The following GAREM1 variants were observed in gnomAD, a reference collection of about 807,000 sequenced individuals.
GAREM1 encodes the protein GRB2 associated regulator of MAPK1 subtype 1.
In GAREM1, 26 loss-of-function variants were observed where a neutral mutation model predicts 71.3. The observed-to-expected ratio is 0.36, with a 90% CI of 0.27 to 0.51. The LOEUF (loss-of-function observed/expected upper bound fraction) is 0.51. Ranked by LOEUF, GAREM1 falls within the 20% of genes least tolerant of loss-of-function variation. GAREM1 has a pLI of 0.95. For synonymous variants in GAREM1, 440 were observed against 433.2 expected (o/e 1.02, Z -0.20); for missense variants, 1,026 against 1,103.1 (o/e 0.93, Z 0.99).
chr18:32,398,226 T>G (rs905620495), intron 1 of GAREM1, among the ~76,000 whole-genome samples: 29 of 151,960 alleles, frequency 1.9e-4, no homozygotes, highest in Non-Finnish European at 3.4e-4. Flanking sequence ...AGATCCAAAA[T>G]TAACACCCTA....
At chr18:32,418,716 A>C (rs1207538218) in intron 1 of GAREM1, among the ~76,000 whole-genome samples, 1 of 152,164 alleles carries the variant, frequency 6.6e-6, no homozygotes, top group Non-Finnish European at 1.5e-5. Context: ...AAAAGAGACA[A>C]GGGGAAAGAA....
intron 1 of GAREM1, among the ~76,000 whole-genome samples, chr18:32,422,329 G>A (rs527609690): frequency 1.4e-4 from 22 of 152,236 alleles, no homozygotes; most frequent in African/African-American, 5.1e-4. Flanking sequence ...TGAAGCCTTT[G>A]CTGGCATGCC....
At position 32,412,302 on chromosome 18, in the gene GAREM1, C is replaced by T. The variant is rs903976168; in HGVS notation, c.122-19267G>A. On this transcript the variant is annotated intron_variant, in intron 1 of 5. Coordinates refer to ENST00000269209, the MANE Select transcript of GAREM1 (RefSeq NM_001242409.2). ...TCGTGGTTTTGCAAAGTACTGGCCT[C>T]CACCGCCATAGGGGCCAGAGTTTCT... 1.9e-6 allele frequency: 3 copies of T among 1,591,802 alleles called. No homozygotes were observed. In the African/African-American group the frequency reaches 4.0e-5, roughly 21 times the overall value.
At chr18:32,298,656 C>T (rs1316764331) in intron 3 of GAREM1, among the ~76,000 whole-genome samples, 3 of 152,260 alleles carry the variant, frequency 2.0e-5, no homozygotes, top group Non-Finnish European at 4.4e-5. Context: ...TGTGGACGCG[C>T]ACACATTCTC....
At chr18:32,325,858 A>T (rs772084518) in intron 2 of GAREM1, among the ~76,000 whole-genome samples, 1 of 152,216 alleles carries the variant, frequency 6.6e-6, no homozygotes, top group Non-Finnish European at 1.5e-5. Flanking sequence ...CACTGGACTT[A>T]CGAGGATGAC....
At chr18:32,384,961 A>T (rs1213357001) in intron 2 of GAREM1, among the ~76,000 whole-genome samples, 1 of 152,188 alleles carries the variant, frequency 6.6e-6, no homozygotes, top group Non-Finnish European at 1.5e-5. Context: ...AATTTAAGTA[A>T]TGGAGAGAGG....
chr18:32,362,447 T>C (rs566848380), intron 2 of GAREM1, among the ~76,000 whole-genome samples: 1 of 152,360 alleles, frequency 6.6e-6, no homozygotes, highest in African/African-American at 2.4e-5. Context: ...CCTTCGGTTG[T>C]TAAATATATG....
chr18:32,436,219 T>C (rs750196633), intron 1 of GAREM1, among the ~76,000 whole-genome samples: 1 of 151,942 alleles, frequency 6.6e-6, no homozygotes, highest in Non-Finnish European at 1.5e-5. Flanking sequence ...AATTTCAGAG[T>C]TGGGGAAATA....
In GAREM1 at chr18:32,267,431, GAC is replaced by G. The variant is rs2041388219; in HGVS notation, c.*438_*439del. On this transcript the variant is annotated 3_prime_UTR_variant, in exon 6 of 6. Coordinates refer to ENST00000269209, the MANE Select transcript of GAREM1 (RefSeq NM_001242409.2). ...ACAATTAGCAAGAAGCAATCTGAAT[GAC>G]AGAGCACAGAACACAGTTAATTGTC... is the stretch of plus-strand genomic sequence containing the variant. The G allele has an allele frequency of 6.6e-6, 1 of 152,260 alleles. No individual in the cohort carries two copies. The highest frequency in any genetic ancestry group is 2.4e-5 in the African/African-American group (1 of 41,104). The allele number at this position is 152,260 out of a possible 1,614,324, so 9.4% of individuals were successfully genotyped here.
intron 3 of GAREM1, among the ~76,000 whole-genome samples, chr18:32,298,806 T>C (rs1486029525): frequency 6.6e-6 from 1 of 152,212 alleles, no homozygotes; most frequent in Non-Finnish European, 1.5e-5. Context: ...ATAGGTTATA[T>C]AGACAATATT....
At chr18:32,398,713 T>C (rs1349769408) in intron 1 of GAREM1, among the ~76,000 whole-genome samples, 1 of 152,054 alleles carries the variant, frequency 6.6e-6, no homozygotes, top group East Asian at 1.9e-4. Flanking sequence ...ACCAGATGGA[T>C]TCACAGCTGA....
At chr18:32,465,222 A>G (rs2048988314) in intron 1 of GAREM1, among the ~76,000 whole-genome samples, 1 of 152,250 alleles carries the variant, frequency 6.6e-6, no homozygotes, top group African/African-American at 2.4e-5. Context: ...TTCCAAGAGC[A>G]AAACTAAGTT....
intron 4 of GAREM1, among the ~76,000 whole-genome samples, chr18:32,273,817 A>G (rs1041906844): frequency 6.6e-6 from 1 of 152,186 alleles, no homozygotes; most frequent in Non-Finnish European, 1.5e-5. Context: ...ATATGAGGCC[A>G]GGGATTTTTT....
chr18:32,294,940 T>G (rs553756013), intron 3 of GAREM1, among the ~76,000 whole-genome samples: 1 of 152,338 alleles, frequency 6.6e-6, no homozygotes, highest in Admixed American at 6.5e-5. Context: ...TTCTTTATCA[T>G]GTAAGTAATG....
chr18:32,379,103 C>T (rs979875644), intron 2 of GAREM1, among the ~76,000 whole-genome samples: 6 of 152,080 alleles, frequency 3.9e-5, no homozygotes, highest in African/African-American at 7.2e-5. Context: ...GGTCCCAAAG[C>T]CTGCTTTCCT....
At chr18:32,439,097 C>T (rs755834193) in intron 1 of GAREM1, among the ~76,000 whole-genome samples, 1 of 152,126 alleles carries the variant, frequency 6.6e-6, no homozygotes, top group Non-Finnish European at 1.5e-5. Context: ...TGAGTCAATA[C>T]TATTATTTGC....
intron 1 of GAREM1, among the ~76,000 whole-genome samples, chr18:32,450,376 T>C (rs8083848): frequency 0.26 from 38,836 of 152,082 alleles, 6,333 homozygotes; most frequent in African/African-American, 0.46. Context: ...AATTCAACCC[T>C]TATGCCAACT....
chr18:32,309,819 T>G (rs2047296755), intron 3 of GAREM1, among the ~76,000 whole-genome samples: 1 of 152,156 alleles, frequency 6.6e-6, no homozygotes, highest in Non-Finnish European at 1.5e-5. Flanking sequence ...TTTCTTTCTT[T>G]TTAAATAAGT....
At chr18:32,439,879 C>T (rs767354166) in intron 1 of GAREM1, among the ~76,000 whole-genome samples, 2 of 152,112 alleles carry the variant, frequency 1.3e-5, no homozygotes, top group African/African-American at 2.4e-5. Context: ...CACTCAGTGA[C>T]AGTTCTAGTG....
Sources: gnomAD v4.1 joint callset for allele counts (sites outside exome capture counted in the v4.1 genomes callset) on GRCh38, gnomAD v4.1.1 for gene constraint, MANE v1.5 for transcripts, NCBI Gene and HGNC (gene_info 2026-07-23, HGNC 2026-07-21) for gene names.